The following ARIH2 variants were observed in gnomAD, a reference collection of about 807,000 sequenced individuals.
The protein encoded by ARIH2 is ariadne RBR E3 ubiquitin protein ligase 2.
In ARIH2, 12 loss-of-function variants were observed where a neutral mutation model predicts 79.8. That is an observed-to-expected ratio of 0.15 (90% confidence interval 0.10 to 0.24). The LOEUF (loss-of-function observed/expected upper bound fraction) is 0.24, where lower values mean the gene tolerates loss of function less well. Among genes scored for constraint, ARIH2 ranks in the 10% least tolerant of loss-of-function variants. ARIH2 has a pLI of 1.00. For missense variants in ARIH2, 301 were observed against 618.3 expected, an observed-to-expected ratio of 0.49 and a Z score of 5.44; for synonymous variants, 224 against 213.9, an observed-to-expected ratio of 1.05 and a Z score of -0.41.
intron 3 of ARIH2, chr3:48,945,260 C>A: frequency 2.4e-6 from 3 of 1,229,434 alleles, no homozygotes; most frequent in Non-Finnish European, 3.2e-6. Context: ...TATTTGCAAG[C>A]TATGTTGTTA....
At chr3:48,959,649 C>CAAA (rs71077758) in intron 3 of ARIH2, among the ~76,000 whole-genome samples, 15 of 50,102 alleles carry the variant, frequency 3.0e-4, no homozygotes, top group African/African-American at 9.3e-4. Flanking sequence ...TAAAAAATAC[C>CAAA]AAAAAAAAAA....
At chr3:48,948,201 T>C (rs966517102) in intron 3 of ARIH2, among the ~76,000 whole-genome samples, 1 of 152,108 alleles carries the variant, frequency 6.6e-6, no homozygotes, top group Non-Finnish European at 1.5e-5. Flanking sequence ...GACCTTGTGA[T>C]CCGCCCGCCT....
chr3:48,920,681 C>T (rs552437149), intron 1 of ARIH2, among the ~76,000 whole-genome samples: 1 of 70,748 alleles, frequency 1.4e-5, no homozygotes, highest in Non-Finnish European at 2.8e-5. Flanking sequence ...GATCATGGCT[C>T]GCTGCAATCT....
intron 3 of ARIH2, among the ~76,000 whole-genome samples, chr3:48,929,802 G>A (rs2086134354): frequency 6.6e-6 from 1 of 152,186 alleles, no homozygotes; most frequent in Non-Finnish European, 1.5e-5. Context: ...GTTGGTGATA[G>A]TAGCAGCTGC....
At chr3:48,978,288 C>G (rs2092610322) in intron 11 of ARIH2, among the ~76,000 whole-genome samples, 1 of 148,420 alleles carries the variant, frequency 6.7e-6, no homozygotes, top group South Asian at 2.1e-4. Flanking sequence ...CACAGTCTCG[C>G]TCTGTCACCT....
At chr3:48,940,691 A>G (rs894589589) in intron 3 of ARIH2, among the ~76,000 whole-genome samples, 1 of 151,078 alleles carries the variant, frequency 6.6e-6, no homozygotes, top group Non-Finnish European at 1.5e-5. Context: ...GATACTCGGG[A>G]GGCTGAGGCA....
intron 3 of ARIH2, among the ~76,000 whole-genome samples, chr3:48,958,417 A>G (rs2090854263): frequency 6.6e-6 from 1 of 152,262 alleles, no homozygotes; most frequent in African/African-American, 2.4e-5. Context: ...ATCTCTATTT[A>G]AAAAAATAGA....
intron 3 of ARIH2, among the ~76,000 whole-genome samples, chr3:48,931,306 G>A (rs1387486400): frequency 6.6e-6 from 1 of 152,186 alleles, no homozygotes; most frequent in Non-Finnish European, 1.5e-5. Flanking sequence ...AGCACTATGG[G>A]AGGCCGAGGC....
intron 3 of ARIH2, among the ~76,000 whole-genome samples, chr3:48,945,383 C>A (rs191458179): frequency 6.6e-6 from 1 of 152,310 alleles, no homozygotes; most frequent in Admixed American, 6.5e-5. Flanking sequence ...GGAGCAGGGG[C>A]TATTTTAGCA....
At chr3:48,963,103 A>C (rs1438345798) in intron 4 of ARIH2, among the ~76,000 whole-genome samples, 4 of 152,192 alleles carry the variant, frequency 2.6e-5, no homozygotes, top group African/African-American at 4.8e-5. Context: ...GGCTGAACAC[A>C]ACTGGGAAGG....
At chr3:48,934,569 A>G in intron 3 of ARIH2, 1 of 985,392 alleles carries the variant, frequency 1.0e-6, no homozygotes, top group African/African-American at 1.7e-5. Context: ...GCATGCCTCT[A>G]TCTAAGTAGA....
intron 14 of ARIH2, 53 bp downstream of exon 14, chr3:48,981,781 C>T (rs2092760519): frequency 4.8e-6 from 7 of 1,448,768 alleles, no homozygotes; most frequent in Non-Finnish European, 6.8e-6. Context: ...AGGTGCCCTT[C>T]TCTACCAGCA....
intron 3 of ARIH2, among the ~76,000 whole-genome samples, chr3:48,956,208 G>A (rs1406214361): frequency 2.0e-5 from 3 of 151,008 alleles, no homozygotes; most frequent in South Asian, 2.1e-4. Context: ...GTACCATGTC[G>A]GCTCACTGCA....
rs1292550523 is a variant in ARIH2, at chr3:48,983,378, G to C, written c.*108G>C. 2.9e-6 allele frequency: 3 copies of C among 1,051,680 alleles called. No individual in the cohort carries two copies. The highest frequency in any genetic ancestry group is 4.4e-6 in the Non-Finnish European group (3 of 680,434). 65.1% of individuals were successfully genotyped at this position (1,051,680 alleles called of 1,614,324 possible). On this transcript the variant is annotated 3_prime_UTR_variant, in exon 16 of 16. Transcript: ENST00000356401. Reference sequence around the variant, plus strand: ...TTTCATGACCCCAGGCAACAGCCAGGGCCCCACTCCTGAGAGACACTGGCA... The same window carrying C: ...TTTCATGACCCCAGGCAACAGCCAGCGCCCCACTCCTGAGAGACACTGGCA...
chr3:48,934,553 G>A (rs1205285823), intron 3 of ARIH2: 1 of 985,226 alleles, frequency 1.0e-6, no homozygotes, highest in Non-Finnish European at 1.2e-6. Context: ...GATGTGAGCT[G>A]TCTTTGCATG....
intron 8 of ARIH2, among the ~76,000 whole-genome samples, chr3:48,972,391 C>G (rs1035222805): frequency 4.6e-5 from 7 of 151,960 alleles, no homozygotes; most frequent in African/African-American, 1.7e-4. Flanking sequence ...TTTAGGACCC[C>G]TGTGACTTTA....
In ARIH2 at chr3:48,939,486, G is replaced by A. The variant is rs1018774451; in HGVS notation, c.255+11673G>A. Among the ~76,000 whole-genome samples, 5 of 151,692 alleles carry A rather than the reference G, an allele frequency of 3.3e-5. No individual in the cohort carries two copies. The East Asian group carries it at 5.8e-4, about 18-fold the overall frequency. ...TTTGAAGTAATAATTAGCTGGGCGC[G>A]GTGACTCACGCCTGTAATCCCAGCA... On this transcript the variant is annotated intron_variant, in intron 3 of 15. Transcript: ENST00000356401.
At chr3:48,942,862 G>T (rs1447458846) in intron 3 of ARIH2, among the ~76,000 whole-genome samples, 3 of 151,954 alleles carry the variant, frequency 2.0e-5, no homozygotes, top group African/African-American at 7.2e-5. Flanking sequence ...TGTTGGTCAG[G>T]CTGGTCTCAA....
At chr3:48,974,610 T>G in intron 9 of ARIH2, 1 of 608,520 alleles carries the variant, frequency 1.6e-6, no homozygotes, top group South Asian at 1.9e-5. Flanking sequence ...AGCTGGTGCT[T>G]GAAGCATTTC....
Sources: allele counts gnomAD v4.1 joint callset (sites outside exome capture counted in the v4.1 genomes callset), GRCh38; gene constraint gnomAD v4.1.1; transcripts MANE v1.5; gene names NCBI Gene and HGNC (gene_info 2026-07-23, HGNC 2026-07-21).